Variants in USP37 observed in about 807,000 individuals in gnomAD.
USP37 encodes ubiquitin carboxyl-terminal hydrolase 37.
A neutral mutation model predicts 124.0 loss-of-function variants in USP37; 27 were observed. That is an observed-to-expected ratio of 0.22 (90% CI 0.16 to 0.30). The LOEUF is 0.30. Ranked by LOEUF, USP37 falls within the 10% of genes least tolerant of loss-of-function variation. The probability of loss-of-function intolerance (pLI) is 1.00; values close to 1 mark genes in which losing one functional copy is unlikely to be tolerated. For synonymous variants in USP37, 365 were observed against 388.0 expected, an observed-to-expected ratio of 0.94 and a Z score of 0.70; for missense variants, 889 against 1,140.4, an observed-to-expected ratio of 0.78 and a Z score of 3.17.
intron 22 of USP37, 26 bp downstream of exon 22, chr2:218,463,280 A>G: frequency 6.2e-7 from 1 of 1,608,434 alleles, no homozygotes; most frequent in Non-Finnish European, 8.5e-7. Flanking sequence ...ACCATTAAAA[A>G]AATGTAATTA....
At chr2:218,463,408 C>A (rs759291814) in intron 21 of USP37, 42 bp from the exon 22 acceptor site, 7 of 1,564,252 alleles carry the variant, frequency 4.5e-6, no homozygotes, top group Middle Eastern at 1.7e-4. Flanking sequence ...TAAAGAGGTA[C>A]TGATTAAACT....
At chr2:218,524,958 T>C (rs1690874713) in intron 10 of USP37, among the ~76,000 whole-genome samples, 1 of 152,120 alleles carries the variant, frequency 6.6e-6, no homozygotes, top group Non-Finnish European at 1.5e-5. Context: ...AAAGGGAAAA[T>C]GAAAACTAGG....
intron 14 of USP37, among the ~76,000 whole-genome samples, chr2:218,488,859 TCC>T (rs1691746905): frequency 6.6e-6 from 1 of 151,986 alleles, no homozygotes. Flanking sequence ...GGTCTCGAAC[TCC>T]CGATCTCAGG....
intron 10 of USP37, among the ~76,000 whole-genome samples, chr2:218,522,073 A>G (rs893001391): frequency 2.3e-5 from 3 of 132,354 alleles, no homozygotes; most frequent in African/African-American, 8.6e-5. Flanking sequence ...ACAGGGTCTC[A>G]CCATGTTGCC....
At chr2:218,509,940 C>A in intron 11 of USP37, 39 bp downstream of exon 11, 1 of 1,495,640 alleles carries the variant, frequency 6.7e-7, no homozygotes, top group Non-Finnish European at 9.0e-7. Flanking sequence ...TATTGAATCA[C>A]TTTATAAAAA....
intron 21 of USP37, 133 bp from the exon 22 acceptor site, chr2:218,463,499 T>G (rs1690140528): frequency 8.5e-6 from 6 of 701,934 alleles, no homozygotes; most frequent in Non-Finnish European, 1.2e-5. Context: ...TTTGGAATAT[T>G]ACCTTTTGAG....
chr2:218,557,770 T>C (rs1441539296), intron 4 of USP37, among the ~76,000 whole-genome samples: 1 of 140,032 alleles, frequency 7.1e-6, no homozygotes, highest in Non-Finnish European at 1.5e-5. Flanking sequence ...CTACTAAAAA[T>C]ACAAAAAAAA....
At chr2:218,489,544 C>T (rs1045812256) in intron 14 of USP37, among the ~76,000 whole-genome samples, 7 of 151,856 alleles carry the variant, frequency 4.6e-5, no homozygotes, top group Middle Eastern at 3.4e-3. Flanking sequence ...TGCAATGGCA[C>T]GATCTCAGCT....
intron 8 of USP37, among the ~76,000 whole-genome samples, chr2:218,541,967 C>T (rs60273000): frequency 0.03 from 4,564 of 152,224 alleles, 210 homozygotes; most frequent in African/African-American, 0.1. Flanking sequence ...CTACTTAAAA[C>T]ATTTTGCCCA....
intron 11 of USP37, among the ~76,000 whole-genome samples, chr2:218,498,668 A>G (rs965662966): frequency 6.6e-6 from 1 of 152,204 alleles, no homozygotes; most frequent in African/African-American, 2.4e-5. Flanking sequence ...CAGAGGTTGC[A>G]GTGAGCCAAG....
intron 15 of USP37, among the ~76,000 whole-genome samples, 183 bp from the exon 16 acceptor site, chr2:218,485,926 T>C (rs1046950184): frequency 3.3e-5 from 5 of 152,200 alleles, no homozygotes; most frequent in African/African-American, 4.8e-5. Context: ...AATATACCTA[T>C]AATATCATGC....
chr2:218,487,090 G>A (rs74468120), intron 15 of USP37, among the ~76,000 whole-genome samples: 1,950 of 152,138 alleles, frequency 0.013, 46 homozygotes, highest in African/African-American at 0.045. Flanking sequence ...AACAAGGACC[G>A]CTACTAGACA....
chr2:218,531,075 T>A (rs1691293621), intron 9 of USP37, among the ~76,000 whole-genome samples: 1 of 152,256 alleles, frequency 6.6e-6, no homozygotes, highest in Non-Finnish European at 1.5e-5. Context: ...CTAAGATCAC[T>A]GATGAAGGTG....
chr2:218,553,203 G>A (rs932881986), intron 5 of USP37, among the ~76,000 whole-genome samples: 2 of 152,174 alleles, frequency 1.3e-5, no homozygotes, highest in African/African-American at 2.4e-5. Flanking sequence ...CCCTAAGTAC[G>A]ATGTTAGCTG....
At chr2:218,488,647 T>C (rs1691730199) in intron 14 of USP37, among the ~76,000 whole-genome samples, 1 of 152,222 alleles carries the variant, frequency 6.6e-6, no homozygotes, top group Admixed American at 6.5e-5. Context: ...TAAATCTTTT[T>C]TTTGTGAGAT....
chr2:218,479,911 C>G (rs773522876), intron 17 of USP37, among the ~76,000 whole-genome samples, 196 bp from the exon 18 acceptor site: 1 of 152,038 alleles, frequency 6.6e-6, no homozygotes, highest in Non-Finnish European at 1.5e-5. Context: ...CTTTGGGAAG[C>G]TAAGTGGGCG....
At chr2:218,471,384 A>C (rs1203871552) in intron 20 of USP37, among the ~76,000 whole-genome samples, 2 of 152,208 alleles carry the variant, frequency 1.3e-5, no homozygotes, top group Non-Finnish European at 2.9e-5. Context: ...TAATATCAGA[A>C]ACTGAGAAAA....
intron 20 of USP37, among the ~76,000 whole-genome samples, chr2:218,472,663 A>G (rs746569459): frequency 9.9e-5 from 15 of 151,826 alleles, no homozygotes; most frequent in Non-Finnish European, 1.6e-4. Flanking sequence ...ATGGGGTTTC[A>G]CCATGTTGGT....
At chr2:218,519,524 T>G (rs1213675184) in intron 10 of USP37, among the ~76,000 whole-genome samples, 1 of 152,150 alleles carries the variant, frequency 6.6e-6, no homozygotes, top group Admixed American at 6.5e-5. Context: ...AAGCACTGCT[T>G]GGTCTTTCAG....
Sources: allele counts gnomAD v4.1 joint callset (sites outside exome capture counted in the v4.1 genomes callset), GRCh38; gene constraint gnomAD v4.1.1; transcripts MANE v1.5; gene names NCBI Gene and HGNC (gene_info 2026-07-23, HGNC 2026-07-21).